The following PTPRS variants were observed in gnomAD, a reference collection of about 807,000 sequenced individuals.
The protein encoded by PTPRS is protein tyrosine phosphatase receptor type S, also known as receptor-type tyrosine-protein phosphatase S.
PTPRS carries 63 observed loss-of-function variants against 215.3 expected under a neutral mutation model. That is an observed-to-expected ratio of 0.29 (90% CI 0.24 to 0.36). The LOEUF is 0.36. Among genes scored for constraint, PTPRS ranks in the 10% least tolerant of loss-of-function variants. PTPRS has a pLI of 1.00. For missense variants in PTPRS, 2,258 were observed against 2,825.8 expected (o/e 0.80, Z 4.56); for synonymous variants, 1,404 against 1,191.4 (o/e 1.18, Z -3.68).
chr19:5,286,613 C>T (rs112908333), intron 1 of PTPRS, among the ~76,000 whole-genome samples: 8 of 152,278 alleles, frequency 5.3e-5, no homozygotes, highest in African/African-American at 1.9e-4. Context: ...ATGCCTTCCA[C>T]GAACCAGAAG....
At chr19:5,259,693 C>T (rs1324266773) in intron 7 of PTPRS, among the ~76,000 whole-genome samples, 1 of 152,080 alleles carries the variant, frequency 6.6e-6, no homozygotes, top group Admixed American at 6.5e-5. Flanking sequence ...AGTGAATATC[C>T]CCAAATGTGT....
At position 5,257,470 on chromosome 19, in the gene PTPRS, G is replaced by A. The variant is rs1464330322; in HGVS notation, c.706+547C>T. ...GAAGAGGCAGAAGGCGCCGGGCTCC[G>A]GACCAGCTGGTGGGGGGTGGGAGGG... On this transcript the variant is annotated intron_variant, in intron 8 of 37. Transcript: ENST00000262963. This position sits in a 1 kb window ranked among gnomAD's most constrained non-coding sequence, Gnocchi z 4.4. 1.5e-5 allele frequency: 7 copies of A among 457,464 alleles called. No homozygotes were observed. The highest frequency in any genetic ancestry group is 2.6e-5 in the Non-Finnish European group (6 of 227,664). The allele number at this position is 457,464 out of a possible 1,614,324, so 28.3% of individuals were successfully genotyped here.
intron 4 of PTPRS, among the ~76,000 whole-genome samples, chr19:5,265,631 T>A (rs1049546887): frequency 1.3e-5 from 2 of 152,086 alleles, no homozygotes; most frequent in South Asian, 2.1e-4. Flanking sequence ...CATGAGCCAC[T>A]GCACCTGGTT....
chr19:5,211,542 A>G, intron 33 of PTPRS, 48 bp downstream of exon 33: 2 of 1,567,774 alleles, frequency 1.3e-6, no homozygotes, highest in African/African-American at 1.3e-5. Context: ...TTGAGAGTAG[A>G]GATGGGCTCC....
intron 9 of PTPRS, among the ~76,000 whole-genome samples, chr19:5,250,155 C>T (rs2044865354): frequency 6.6e-6 from 1 of 152,240 alleles, no homozygotes; most frequent in Non-Finnish European, 1.5e-5. Flanking sequence ...GCTCCTCTGA[C>T]ACCTAAGAAA....
chr19:5,222,451 G>A (rs2042067850), intron 18 of PTPRS, among the ~76,000 whole-genome samples: 1 of 149,330 alleles, frequency 6.7e-6, no homozygotes, highest in African/African-American at 2.5e-5. Context: ...AGAAGGTGGA[G>A]GAGGAGGAAG....
rs78884801 is a variant in PTPRS, at chr19:5,244,388, G to C, written c.1083C>G (p.Ser361=). The change falls in exon 11 of 38, where the codon TCC becomes TCG. Residue 361 remains serine, a synonymous_variant. Transcript: ENST00000262963. This position sits in a 1 kb window ranked among gnomAD's most constrained non-coding sequence, Gnocchi z 7.2. ...TWDSGNPDPV[S]YYVIEYKSKS... is the part of the protein sequence containing the mutation. ...TGGATTTATATTCGATGACGTAATA[G>C]GACACAGGATCTGGGTTGCCCGAGT... 6.2e-7 allele frequency: 1 copy of C among 1,614,178 alleles called. No homozygotes were observed. The highest frequency in any genetic ancestry group is 8.5e-7 in the Non-Finnish European group (1 of 1,180,042).
At position 5,220,312 on chromosome 19, in the gene PTPRS, C is replaced by T; in HGVS notation, c.3497G>A (p.Gly1166Glu). 1.2e-6 allele frequency: 2 copies of T among 1,614,092 alleles called. No individual in the cohort carries two copies. The highest frequency in any genetic ancestry group is 2.2e-5 in the South Asian group (2 of 91,062). Residue 1166 changes from glycine (G) to glutamate (E), a missense_variant, in exon 21 of 38, where the codon GGA becomes GAA. Gly to Glu is a moderately conservative substitution (Grantham distance 98, BLOSUM62 -2). This residue lies in a region of PTPRS where 927 missense variants were observed against 1,125.9 expected (regional missense o/e 0.82). Coordinates refer to ENST00000262963, the MANE Select transcript of PTPRS (RefSeq NM_002850.4). ...ACCCAGCGGGGTCAGGAATTGGCCTCCACGAGACTTGCGCAGTGGCACCAT... is the reference window on the plus strand; with the variant it reads ...ACCCAGCGGGGTCAGGAATTGGCCTTCACGAGACTTGCGCAGTGGCACCAT... ...IVMVPLRKSR[G>E]GQFLTPLGSP...
intron 19 of PTPRS, among the ~76,000 whole-genome samples, 189 bp downstream of exon 19, chr19:5,221,934 A>C (rs2042011223): frequency 6.6e-6 from 1 of 152,032 alleles, no homozygotes; most frequent in African/African-American, 2.4e-5. Context: ...GTTCCAGCTG[A>C]TCTCCAATCC....
At chr19:5,222,368 C>T in intron 18 of PTPRS, 148 bp from the exon 19 acceptor site, 1 of 726,436 alleles carries the variant, frequency 1.4e-6, no homozygotes, top group Admixed American at 2.2e-5. Flanking sequence ...CCTGCCTGGC[C>T]CTGGCCCGGC....
chr19:5,337,146 T>C (rs1568629018), intron 1 of PTPRS, among the ~76,000 whole-genome samples: 6 of 152,198 alleles, frequency 3.9e-5, no homozygotes, highest in Admixed American at 3.9e-4. Context: ...TGGAGCTTAA[T>C]GGGTAGCAGG....
chr19:5,324,143 C>A (rs527545879), intron 1 of PTPRS, among the ~76,000 whole-genome samples: 2 of 146,260 alleles, frequency 1.4e-5, no homozygotes, highest in Admixed American at 7.1e-5. Context: ...GCAGGAGAAT[C>A]GCTTGAACCT....
chr19:5,330,426 C>T (rs2050287103), intron 1 of PTPRS, among the ~76,000 whole-genome samples: 1 of 152,224 alleles, frequency 6.6e-6, no homozygotes, highest in Admixed American at 6.5e-5. Context: ...TTAGCGGCCC[C>T]CACCACGGGG....
Position 5,240,324 on chromosome 19 carries a change from G to C in PTPRS, c.1579C>G (p.Gln527Glu). 6.3e-7 allele frequency: 1 copy of C among 1,596,900 alleles called. No homozygotes were observed. The highest frequency in any genetic ancestry group is 8.5e-7 in the Non-Finnish European group (1 of 1,172,694). Reference sequence around the variant, plus strand: ...GCCTCGGCCCGCAGGTTCATGGGCTGGCCCGGCACTGTGGGGGTGCAGGGA... The same window carrying C: ...GCCTCGGCCCGCAGGTTCATGGGCTCGCCCGGCACTGTGGGGGTGCAGGGA... The part of the protein sequence containing the change: ...QVKTQQGVPG[Q>E]PMNLRAEARS... The change falls in exon 12 of 38, where the codon CAG becomes GAG. Residue 527 changes from glutamine (Q) to glutamate (E), a missense_variant. Gln to Glu is a conservative substitution (Grantham distance 29). This residue lies in a region of PTPRS where 508 missense variants were observed against 799.4 expected (regional missense o/e 0.64). Transcript: ENST00000262963.
At chr19:5,282,036 G>A (rs1157552244) in intron 2 of PTPRS, among the ~76,000 whole-genome samples, 5 of 152,114 alleles carry the variant, frequency 3.3e-5, no homozygotes, top group African/African-American at 7.2e-5. Context: ...CAGCCTGGGC[G>A]TCCCCAGAAC....
chr19:5,301,569 G>A (rs58215878), intron 1 of PTPRS, among the ~76,000 whole-genome samples: 13,527 of 151,890 alleles, frequency 0.089, 886 homozygotes, highest in African/African-American at 0.18. Flanking sequence ...ACTCGCCTCA[G>A]CCTCCCAAAG....
At chr19:5,273,421 C>G in intron 4 of PTPRS, 21 bp downstream of exon 4, 2 of 1,614,086 alleles carry the variant, frequency 1.2e-6, no homozygotes, top group South Asian at 1.1e-5. Flanking sequence ...TATCCTCCGC[C>G]CGCCCTGAGG....
At chr19:5,315,357 T>TG in intron 1 of PTPRS, among the ~76,000 whole-genome samples, 2 of 82,800 alleles carry the variant, frequency 2.4e-5, no homozygotes, top group Non-Finnish European at 4.7e-5. Flanking sequence ...AAGGGTTTTT[T>TG]TTTTTTTTTT....
chr19:5,242,542 ATT>A (rs756611742), intron 11 of PTPRS, among the ~76,000 whole-genome samples: 9 of 132,872 alleles, frequency 6.8e-5, no homozygotes, highest in Admixed American at 1.5e-4. Flanking sequence ...TAATTTTTGT[ATT>A]TTTTTTTTTT....
Sources: gnomAD v4.1 joint callset for allele counts (sites outside exome capture counted in the v4.1 genomes callset) on GRCh38, gnomAD v4.1.1 for gene constraint, gnomAD v4.1.1 regional missense constraint, Gnocchi (gnomAD v3.1) non-coding constraint, MANE v1.5 for transcripts, NCBI Gene and HGNC (gene_info 2026-07-23, HGNC 2026-07-21) for gene names.